Variants in GPR12 observed in about 807,000 individuals in gnomAD.
GPR12 encodes the protein G protein-coupled receptor 12.
In GPR12, 7 loss-of-function variants were observed where a neutral mutation model predicts 18.9. The observed-to-expected ratio is 0.37, with a 90% CI of 0.21 to 0.70. The LOEUF (loss-of-function observed/expected upper bound fraction) is 0.70. Ranked by LOEUF, GPR12 falls within the 30% of genes least tolerant of loss-of-function variation. The pLI is 0.54. For synonymous variants in GPR12, 201 were observed against 188.6 expected, an observed-to-expected ratio of 1.07 and a Z score of -0.54; for missense variants, 327 against 427.7, an observed-to-expected ratio of 0.76 and a Z score of 2.08.
At position 26,757,528 on chromosome 13, in the gene GPR12, C is replaced by T. The variant is rs543230649; in HGVS notation, c.*1295G>A. 6.6e-6 allele frequency: 1 copy of T among 152,306 alleles called. No individual in the cohort carries two copies. The highest frequency in any genetic ancestry group is 2.4e-5 in the African/African-American group (1 of 41,552). The allele number at this position is 152,306 out of a possible 1,614,324, so 9.4% of individuals were successfully genotyped here. On this transcript the variant is annotated 3_prime_UTR_variant, in exon 2 of 2. Coordinates refer to ENST00000405846, the MANE Select transcript of GPR12 (RefSeq NM_005288.4). ...GCAATTTCCTGACTACATTCTTGTT[C>T]TCTGAAAACAGGCAATGTGATTTTT... is the stretch of plus-strand genomic sequence containing the variant.
rs5802391 is a variant in GPR12 at position 26,758,389 on chromosome 13, TAA to T, written c.*432_*433del. 0.081 allele frequency: 12,400 copies of T among 153,572 alleles called. 467 individuals carry two copies. The highest frequency in any genetic ancestry group is 0.11 in the Admixed American group (1,690 of 15,744). The allele number at this position is 153,572 out of a possible 1,614,324, so 9.5% of individuals were successfully genotyped here. A position where few individuals can be genotyped will look rare whatever the true frequency, so the allele number is the denominator to read the frequency against. On this transcript the variant is annotated 3_prime_UTR_variant, in exon 2 of 2. Coordinates refer to ENST00000405846, the MANE Select transcript of GPR12 (RefSeq NM_005288.4). Reference sequence around the variant, plus strand: ...CAGCATTAAAAAATCTACCATCATGTAAAAAAAAAAAATAGTCTGGAAAAAGT... The same window carrying T: ...CAGCATTAAAAAATCTACCATCATGTAAAAAAAAAATAGTCTGGAAAAAGT...
rs766031054 is a variant in GPR12 at position 26,758,842 on chromosome 13, C to A, written c.986G>T (p.Arg329Leu). 1.9e-6 allele frequency: 3 copies of A among 1,610,414 alleles called. No homozygotes were observed. The highest frequency in any genetic ancestry group is 1.1e-5 in the South Asian group (1 of 90,678). Residue 329 changes from arginine (R) to leucine (L), a missense_variant, in exon 2 of 2, where the codon CGC becomes CTC. Arg to Leu is a moderately radical substitution (Grantham distance 102, BLOSUM62 -2). Coordinates refer to ENST00000405846, the MANE Select transcript of GPR12 (RefSeq NM_005288.4). Reference sequence around the variant, plus strand: ...AGGGTGCTACACATCACTGGGCGAGCGCGCTCTCTGGGCGAGACTGGACGG... The same window carrying A: ...AGGGTGCTACACATCACTGGGCGAGAGCGCTCTCTGGGCGAGACTGGACGG... The part of the protein sequence containing the change: ...CIPSSLAQRA[R>L]SPSDV
Position 26,755,361 on chromosome 13 carries a change from T to G in GPR12, c.*3462A>C, listed in dbSNP as rs547029636. 1.3e-5 allele frequency: 2 copies of G among 152,302 alleles called. No individual in the cohort carries two copies. Among genetic ancestry groups the G allele is most frequent in the African/African-American group, 4.8e-5 (2 of 41,554 alleles). 9.4% of individuals were successfully genotyped at this position (152,302 alleles called of 1,614,324 possible). A position where few individuals can be genotyped will look rare whatever the true frequency, so the allele number is the denominator to read the frequency against. ...CATCCTAACTTCATATTATCACATA[T>G]TACTATAAAATAAAGTCAATCATTA... On this transcript the variant is annotated 3_prime_UTR_variant, in exon 2 of 2. Coordinates refer to ENST00000405846, the MANE Select transcript of GPR12 (RefSeq NM_005288.4).
In GPR12 at chr13:26,758,797, G is replaced by T. The variant is rs1452391350; in HGVS notation, c.*26C>A. ...CAGGCAGTGGAAGTGCTTGGTAAATGCAGAGTCCTCCTGGGTGCAAGGGTG... is the reference window on the plus strand; with the variant it reads ...CAGGCAGTGGAAGTGCTTGGTAAATTCAGAGTCCTCCTGGGTGCAAGGGTG... On this transcript the variant is annotated 3_prime_UTR_variant, in exon 2 of 2. Transcript: ENST00000405846. The T allele has an allele frequency of 1.3e-6, 2 of 1,566,730 alleles. No homozygotes were observed. The highest frequency in any genetic ancestry group is 1.8e-5 in the Admixed American group (1 of 56,318).
chr13:26,760,247 C>G (rs1367438834), intron 1 of GPR12: 1 of 176,880 alleles, frequency 5.7e-6, no homozygotes, highest in African/African-American at 2.4e-5. Context: ...GGTCTCGAGC[C>G]AGGGGCCGCC....
Position 26,758,626 on chromosome 13 carries a change from A to T in GPR12, c.*197T>A. ...AGTGGAGAGCTCAACAATTTTTTTT[A>T]ATGGTGAAAACACTGGTAACATTAT... On this transcript the variant is annotated 3_prime_UTR_variant, in exon 2 of 2. Transcript: ENST00000405846. The T allele has an allele frequency of 1.2e-6, 1 of 817,038 alleles. No individual in the cohort carries two copies. Among genetic ancestry groups the T allele is most frequent in the Non-Finnish European group, 1.8e-6 (1 of 555,942 alleles). The allele number at this position is 817,038 out of a possible 1,614,324, so 50.6% of individuals were successfully genotyped here. A position where few individuals can be genotyped will look rare whatever the true frequency, so the allele number is the denominator to read the frequency against.
At position 26,759,603 on chromosome 13, in the gene GPR12, C is replaced by A; in HGVS notation, c.225G>T (p.Leu75=). ...VVLIIFHNPS[L]RAPMFLLIGS... is the part of the protein sequence containing the mutation. ...CTATTAGCAGGAACATGGGTGCTCG[C>A]AGGCTGGGGTTGTGGAAGATGATAA... is the stretch of plus-strand genomic sequence containing the variant. The change falls in exon 2 of 2, where the codon CTG becomes CTT. Residue 75 remains leucine (L), a synonymous_variant. Transcript: ENST00000405846. The A allele has an allele frequency of 1.2e-6, 2 of 1,614,156 alleles. No individual in the cohort carries two copies. Among genetic ancestry groups the A allele is most frequent in the Non-Finnish European group, 1.7e-6 (2 of 1,180,020 alleles).
At position 26,759,780 on chromosome 13, in the gene GPR12, A is replaced by G. The variant is rs1379880667; in HGVS notation, c.48T>C (p.Tyr16=). ...TGTTCTCCGCAGCAGCGGCATCTAA[A>G]TAATCCCGAGGCAGCCCGCTTAAAT... ...KVNLSGLPRD[Y]LDAAAAENIS... Residue 16 remains tyrosine (Y), a synonymous_variant, in exon 2 of 2, where the codon TAT becomes TAC. Coordinates refer to ENST00000405846, the MANE Select transcript of GPR12 (RefSeq NM_005288.4). The G allele has an allele frequency of 6.2e-7, 1 of 1,604,520 alleles. No homozygotes were observed.
rs1453997700 is a variant in GPR12 at position 26,757,100 on chromosome 13, G to C, written c.*1723C>G. Reference sequence around the variant, plus strand: ...TCTTTCCCACTTCTTAAGTATTTCAGTCCCTCTCCTGCTTCCATAAGTAAC... The same window carrying C: ...TCTTTCCCACTTCTTAAGTATTTCACTCCCTCTCCTGCTTCCATAAGTAAC... On this transcript the variant is annotated 3_prime_UTR_variant, in exon 2 of 2. Coordinates refer to ENST00000405846, the MANE Select transcript of GPR12 (RefSeq NM_005288.4). 2.0e-5 allele frequency: 3 copies of C among 152,132 alleles called. No individual in the cohort carries two copies. The highest frequency in any genetic ancestry group is 4.8e-5 in the African/African-American group (2 of 41,422). The allele number at this position is 152,132 out of a possible 1,614,324, so 9.4% of individuals were successfully genotyped here. A position where few individuals can be genotyped will look rare whatever the true frequency, so the allele number is the denominator to read the frequency against.
Position 26,759,233 on chromosome 13 carries a change from C to T in GPR12, c.595G>A (p.Ala199Thr), listed in dbSNP as rs762826808. 1.9e-6 allele frequency: 3 copies of T among 1,612,606 alleles called. No individual in the cohort carries two copies. Among genetic ancestry groups the T allele is most frequent in the African/African-American group, 1.3e-5 (1 of 74,640 alleles). ...SVVRPLTKNN[A>T]AILSVSFLFM... ...AGGAAGGACACCGAGAGGATGGCCG[C>T]GTTGTTCTTGGTGAGCGGTCTGACC... The change falls in exon 2 of 2, where the codon GCG (alanine) becomes ACG (threonine). Residue 199 changes from alanine (A) to threonine (T), a missense_variant. By Grantham distance (58) the Ala-to-Thr change is moderately conservative. Transcript: ENST00000405846.
At chr13:26,759,905 C>T in intron 1 of GPR12, 63 bp from the exon 2 acceptor site, 2 of 1,487,990 alleles carry the variant, frequency 1.3e-6, no homozygotes, top group Non-Finnish European at 1.8e-6. Context: ...CAAGATCATG[C>T]AAAAAACACA....
rs1028885158 is a variant in GPR12 at position 26,759,379 on chromosome 13, G to A, written c.449C>T (p.Ser150Leu). ...LSLYYALTYHSERTVTFTYVM... is the reference protein window; with the variant it reads ...LSLYYALTYHLERTVTFTYVM... ...ATAGGTAAACGTGACCGTCCTCTCC[G>A]AATGGTACGTCAGAGCGTAGTACAG... Residue 150 changes from serine (S) to leucine (L), a missense_variant, in exon 2 of 2, where the codon TCG becomes TTG. Coordinates refer to ENST00000405846, the MANE Select transcript of GPR12 (RefSeq NM_005288.4). 3.1e-6 allele frequency: 5 copies of A among 1,613,928 alleles called. No individual in the cohort carries two copies. The highest frequency in any genetic ancestry group is 4.2e-6 in the Non-Finnish European group (5 of 1,180,024).
chr13:26,760,356 G>C (rs1884459589), intron 1 of GPR12: 1 of 164,372 alleles, frequency 6.1e-6, no homozygotes, highest in Non-Finnish European at 1.4e-5. Context: ...ACCCCCGACC[G>C]GAACAAAGAG....
rs753007479 is a variant in GPR12 at position 26,759,547 on chromosome 13, C to A, written c.281G>T (p.Gly94Val). The A allele has an allele frequency of 6.2e-7, 1 of 1,614,170 alleles. No homozygotes were observed. Reference protein sequence around the residue: ...GSLALADLLAGIGLITNFVFA... With the variant: ...GSLALADLLAVIGLITNFVFA... ...AACAAAATTGGTGATGAGTCCAATG[C>A]CGGCCAGCAGGTCTGCAAGAGCCAG... The change falls in exon 2 of 2, where the codon GGC (glycine) becomes GTC (valine). Residue 94 changes from glycine to valine, a missense_variant. Coordinates refer to ENST00000405846, the MANE Select transcript of GPR12 (RefSeq NM_005288.4).
Position 26,758,728 on chromosome 13 carries a change from G to C in GPR12, c.*95C>G. The C allele has an allele frequency of 4.0e-6, 6 of 1,483,342 alleles. No homozygotes were observed. The highest frequency in any genetic ancestry group is 5.4e-6 in the Non-Finnish European group (6 of 1,116,618). 91.9% of individuals were successfully genotyped at this position (1,483,342 alleles called of 1,614,324 possible). On this transcript the variant is annotated 3_prime_UTR_variant, in exon 2 of 2. Transcript: ENST00000405846. ...CTAAGTGCTCCTGTGGCTTGAGAGG[G>C]AATCCAATGCAAGGAATTCAAGGGA...
At position 26,758,776 on chromosome 13, in the gene GPR12, C is replaced by G; in HGVS notation, c.*47G>C. The G allele has an allele frequency of 6.5e-7, 1 of 1,544,548 alleles. No individual in the cohort carries two copies. The highest frequency in any genetic ancestry group is 8.8e-7 in the Non-Finnish European group (1 of 1,142,666). Reference sequence around the variant, plus strand: ...GGAAGCATCTCAAACCTTGGCCAGGCAGTGGAAGTGCTTGGTAAATGCAGA... The same window carrying G: ...GGAAGCATCTCAAACCTTGGCCAGGGAGTGGAAGTGCTTGGTAAATGCAGA... On this transcript the variant is annotated 3_prime_UTR_variant, in exon 2 of 2. Transcript: ENST00000405846.
rs1884386516 is a variant in GPR12 at position 26,756,950 on chromosome 13, TTTAA to T, written c.*1869_*1872del. On this transcript the variant is annotated 3_prime_UTR_variant, in exon 2 of 2. Transcript: ENST00000405846. ...GTCTCCTATGGTGGTGCTATTCAAT[TTTAA>T]TTAATTAAAAACGAACAGACTCATC... 1.3e-5 allele frequency: 2 copies of T among 152,222 alleles called. No individual in the cohort carries two copies. The highest frequency in any genetic ancestry group is 2.9e-5 in the Non-Finnish European group (2 of 68,038). The allele number at this position is 152,222 out of a possible 1,614,324, so 9.4% of individuals were successfully genotyped here.
At position 26,760,714 on chromosome 13, in the gene GPR12, G is replaced by A. The variant is rs1884469143; in HGVS notation, c.-151C>T. ...TCCGGAGCGGGCCGGGAGGGCGCGGGGCGCGCACTCCGCGGCAGGTGAGCG... is the reference window on the plus strand; with the variant it reads ...TCCGGAGCGGGCCGGGAGGGCGCGGAGCGCGCACTCCGCGGCAGGTGAGCG... On this transcript the variant is annotated 5_prime_UTR_variant, in exon 1 of 2. Coordinates refer to ENST00000405846, the MANE Select transcript of GPR12 (RefSeq NM_005288.4). 6.7e-6 allele frequency: 1 copy of A among 150,132 alleles called. No individual in the cohort carries two copies. Among genetic ancestry groups the A allele is most frequent in the African/African-American group, 2.4e-5 (1 of 41,176 alleles). 9.3% of individuals were successfully genotyped at this position (150,132 alleles called of 1,614,324 possible).
In GPR12 at chr13:26,757,365, T is replaced by C. The variant is rs181723870; in HGVS notation, c.*1458A>G. 6.6e-6 allele frequency: 1 copy of C among 152,332 alleles called. No individual in the cohort carries two copies. Among genetic ancestry groups the C allele is most frequent in the East Asian group, 1.9e-4 (1 of 5,184 alleles). The allele number at this position is 152,332 out of a possible 1,614,324, so 9.4% of individuals were successfully genotyped here. ...CAATTAATGTGCTGCCAAGAATTTT[T>C]TCCACTGATTATATAGACATAACTA... On this transcript the variant is annotated 3_prime_UTR_variant, in exon 2 of 2. Transcript: ENST00000405846.
Sources: gnomAD v4.1 joint callset for allele counts on GRCh38, gnomAD v4.1.1 for gene constraint, MANE v1.5 for transcripts, NCBI Gene and HGNC (gene_info 2026-07-23, HGNC 2026-07-21) for gene names.